Variants in OVOL2 observed in about 807,000 individuals in gnomAD.
OVOL2 encodes the protein ovo like zinc finger 2, also known as transcription factor Ovo-like 2.
OVOL2 carries 13 observed loss-of-function variants against 18.1 expected under a neutral mutation model. That is an observed-to-expected ratio of 0.72 (90% CI 0.47 to 1.14). OVOL2 has a LOEUF of 1.14. Among genes scored for constraint, OVOL2 ranks in the 50% most tolerant of loss-of-function variants. The pLI, the probability that OVOL2 is intolerant of heterozygous loss-of-function variation, is 0.00. For missense variants in OVOL2, 335 were observed against 383.0 expected (o/e 0.87, Z 1.05); for synonymous variants, 166 against 162.7 (o/e 1.02, Z -0.16).
chr20:18,044,927 G>A (rs1195495135), intron 2 of OVOL2, among the ~76,000 whole-genome samples: 1 of 152,182 alleles, frequency 6.6e-6, no homozygotes, highest in Non-Finnish European at 1.5e-5. Context: ...AGTGGTAGCT[G>A]AGAAGAACAA....
At chr20:18,029,440 C>T (rs776177743) in intron 3 of OVOL2, among the ~76,000 whole-genome samples, 1 of 152,148 alleles carries the variant, frequency 6.6e-6, no homozygotes, top group Non-Finnish European at 1.5e-5. Flanking sequence ...AGTATGAAAA[C>T]GAGAGTTCTA....
At chr20:18,047,314 A>T (rs1392764943) in intron 2 of OVOL2, among the ~76,000 whole-genome samples, 1 of 151,986 alleles carries the variant, frequency 6.6e-6, no homozygotes, top group Non-Finnish European at 1.5e-5. Flanking sequence ...GGAGTTCGAG[A>T]CCAGCCTGAC....
intron 2 of OVOL2, among the ~76,000 whole-genome samples, chr20:18,052,807 C>G (rs144726502): frequency 6.1e-4 from 93 of 152,334 alleles, no homozygotes; most frequent in African/African-American, 1.9e-3. Flanking sequence ...GGACCTGGGT[C>G]CTACCAGCCA....
intron 2 of OVOL2, among the ~76,000 whole-genome samples, chr20:18,049,538 T>C (rs1006824738): frequency 2.7e-5 from 4 of 147,916 alleles, no homozygotes; most frequent in African/African-American, 5.0e-5. Flanking sequence ...CCCAATTCGT[T>C]TGGCATTCAG....
intron 2 of OVOL2, among the ~76,000 whole-genome samples, chr20:18,047,207 A>G (rs2036730559): frequency 6.6e-6 from 1 of 152,158 alleles, no homozygotes; most frequent in Non-Finnish European, 1.5e-5. Flanking sequence ...ATCACCTGTA[A>G]AATGTGAATA....
chr20:18,039,577 C>T (rs532360064), intron 3 of OVOL2, among the ~76,000 whole-genome samples: 38 of 139,750 alleles, frequency 2.7e-4, no homozygotes, highest in African/African-American at 1.0e-3. Flanking sequence ...GGCTGCACTC[C>T]AGCCTGGGTG....
rs915276080 is a variant in OVOL2, at chr20:18,057,313, C to G, written c.100+222G>C. Among the ~76,000 whole-genome samples, 1 of 152,198 alleles carries G rather than the reference C, an allele frequency of 6.6e-6. No individual in the cohort carries two copies. On this transcript the variant is annotated intron_variant, in intron 1 of 3. Transcript: ENST00000278780. The surrounding 1 kb of genome is among the most constrained non-coding windows in gnomAD (Gnocchi z 6.3). ...GCGCTGCAGCCAACGGTCCCGCCGC[C>G]GGGCAATTAGAGGCTCCCACTACGG...
In OVOL2 at chr20:18,057,066, G is replaced by T. The variant is rs2036835701; in HGVS notation, c.101-189C>A. On this transcript the variant is annotated intron_variant, in intron 1 of 3. Coordinates refer to ENST00000278780, the MANE Select transcript of OVOL2 (RefSeq NM_021220.4). This position sits in a 1 kb window ranked among gnomAD's most constrained non-coding sequence, Gnocchi z 6.3. ...ACAGAGCTAGCTTGGGGTGCTCGGA[G>T]CCTCTTTCCGGTCCCAGCCAAGGCG... 6.6e-6 allele frequency among the ~76,000 whole-genome samples: 1 copy of T among 152,166 alleles called. No homozygotes were observed. The highest frequency in any genetic ancestry group is 2.4e-5 in the African/African-American group (1 of 41,468).
intron 2 of OVOL2, among the ~76,000 whole-genome samples, chr20:18,050,426 G>A (rs943075460): frequency 4.6e-5 from 7 of 152,340 alleles, no homozygotes; most frequent in African/African-American, 1.7e-4. Flanking sequence ...CTGTGGCTCT[G>A]AGTCATTCCT....
chr20:18,034,385 G>A (rs530192171), intron 3 of OVOL2, among the ~76,000 whole-genome samples: 58 of 152,220 alleles, frequency 3.8e-4, no homozygotes, highest in South Asian at 1.2e-3. Context: ...GGATGAGGTC[G>A]AGGCTGCACT....
intron 2 of OVOL2, among the ~76,000 whole-genome samples, chr20:18,054,744 CA>C (rs2036801333): frequency 8.6e-6 from 1 of 116,292 alleles, no homozygotes. Flanking sequence ...CCAGCCTGGG[CA>C]ACAACAGCGA....
At chr20:18,050,211 C>A (rs1462073155) in intron 2 of OVOL2, among the ~76,000 whole-genome samples, 1 of 152,194 alleles carries the variant, frequency 6.6e-6, no homozygotes, top group Non-Finnish European at 1.5e-5. Context: ...ACTCCCTTGC[C>A]ATGAGGATTT....
At chr20:18,046,507 CCA>C (rs2036725097) in intron 2 of OVOL2, among the ~76,000 whole-genome samples, 1 of 152,304 alleles carries the variant, frequency 6.6e-6, no homozygotes, top group African/African-American at 2.4e-5. Context: ...CCTGCTAAGC[CCA>C]GTCATCCCAC....
At chr20:18,044,220 G>A (rs961227372) in intron 2 of OVOL2, among the ~76,000 whole-genome samples, 8 of 152,172 alleles carry the variant, frequency 5.3e-5, no homozygotes, top group African/African-American at 1.7e-4. Flanking sequence ...CCAGAGCCCA[G>A]GAGATGCCAC....
chr20:18,057,079 C>G lies in OVOL2; in HGVS notation c.101-202G>C, dbSNP rs545061461. Among the ~76,000 whole-genome samples the G allele has an allele frequency of 9.5e-4, 144 of 152,260 alleles. No individual in the cohort carries two copies. Among genetic ancestry groups the G allele is most frequent in the African/African-American group, 3.2e-3 (133 of 41,574 alleles). ...GGGGTGCTCGGAGCCTCTTTCCGGT[C>G]CCAGCCAAGGCGCCCACGAGGAACC... is the stretch of plus-strand genomic sequence containing the variant. On this transcript the variant is annotated intron_variant, in intron 1 of 3. Coordinates refer to ENST00000278780, the MANE Select transcript of OVOL2 (RefSeq NM_021220.4). The surrounding 1 kb of genome is among the most constrained non-coding windows in gnomAD (Gnocchi z 6.3).
At chr20:18,025,797 T>C (rs2122684246) in intron 3 of OVOL2, among the ~76,000 whole-genome samples, 2 of 152,312 alleles carry the variant, frequency 1.3e-5, no homozygotes, top group South Asian at 4.1e-4. Context: ...CACCTTGGCG[T>C]CATCCCACCC....
intron 2 of OVOL2, among the ~76,000 whole-genome samples, chr20:18,045,232 G>C (rs1770561000): frequency 1.3e-5 from 2 of 152,160 alleles, no homozygotes; most frequent in African/African-American, 4.8e-5. Flanking sequence ...GCTCCACTAA[G>C]TACTTTGAGC....
At chr20:18,035,312 G>T (rs536174510) in intron 3 of OVOL2, among the ~76,000 whole-genome samples, 2 of 152,164 alleles carry the variant, frequency 1.3e-5, no homozygotes, top group African/African-American at 2.4e-5. Flanking sequence ...TTAGCCAGGC[G>T]TGGTGGCATG....
In OVOL2 at chr20:18,024,426, C is replaced by T. The variant is rs2036489368; in HGVS notation, c.*210G>A. 1.1e-5 allele frequency: 12 copies of T among 1,075,304 alleles called. No homozygotes were observed. The South Asian group carries it at 1.9e-4, about 17-fold the overall frequency. 66.6% of individuals were successfully genotyped at this position (1,075,304 alleles called of 1,614,324 possible). On this transcript the variant is annotated 3_prime_UTR_variant, in exon 4 of 4. Transcript: ENST00000278780. ...AAACTTTGGTGAATGTGAGCAACTG[C>T]GCCAGACAGGACACAGGTTACAGGG... is the stretch of plus-strand genomic sequence containing the variant.
Sources: allele counts gnomAD v4.1 joint callset (sites outside exome capture counted in the v4.1 genomes callset), GRCh38; gene constraint gnomAD v4.1.1; non-coding constraint Gnocchi (gnomAD v3.1); transcripts MANE v1.5; gene names NCBI Gene and HGNC (gene_info 2026-07-23, HGNC 2026-07-21).